PLCXD2: variants seen among roughly 807,000 people sequenced by gnomAD.
PLCXD2 encodes phosphatidylinositol specific phospholipase C X domain containing 2.
Under a neutral mutation model 28.6 loss-of-function variants are expected in PLCXD2, and 21 were observed. That is an observed-to-expected ratio of 0.73 (90% CI 0.52 to 1.06). The LOEUF (loss-of-function observed/expected upper bound fraction) is 1.06. PLCXD2 is among the 50% of genes least tolerant of loss of function. The pLI, the probability that PLCXD2 is intolerant of heterozygous loss-of-function variation, is 0.00. For synonymous variants in PLCXD2, 140 were observed against 150.1 expected (o/e 0.93, Z 0.49); for missense variants, 369 against 376.7 (o/e 0.98, Z 0.17).
intron 3 of PLCXD2, among the ~76,000 whole-genome samples, chr3:111,717,413 GCCTTTTGCACAGATCCCTTGT>G (rs1300144968): frequency 6.6e-6 from 1 of 152,158 alleles, no homozygotes; most frequent in Non-Finnish European, 1.5e-5. Flanking sequence ...GTCAGGTTCA[GCCTTTTGCACAGATCCCTTGT>G]CCTGGTAAAT....
intron 2 of PLCXD2, among the ~76,000 whole-genome samples, chr3:111,709,523 A>G (rs1941171484): frequency 6.6e-6 from 1 of 152,134 alleles, no homozygotes; most frequent in Admixed American, 6.5e-5. Flanking sequence ...GATAAGAGCT[A>G]TGGAAAACGA....
intron 1 of PLCXD2, among the ~76,000 whole-genome samples, chr3:111,699,924 AC>A (rs1259834607): frequency 6.6e-6 from 1 of 152,214 alleles, no homozygotes; most frequent in African/African-American, 2.4e-5. Context: ...TGGGAAAGGC[AC>A]TTCACCAGAT....
chr3:111,709,462 G>GTA (rs913395136), intron 2 of PLCXD2, among the ~76,000 whole-genome samples: 2 of 120,448 alleles, frequency 1.7e-5, no homozygotes, highest in African/African-American at 8.9e-5. Context: ...ATATGTGTGT[G>GTA]TATATACACA....
chr3:111,688,975 C>T (rs1286344455), intron 1 of PLCXD2, among the ~76,000 whole-genome samples: 1 of 151,858 alleles, frequency 6.6e-6, no homozygotes, highest in African/African-American at 2.4e-5. Flanking sequence ...TACTGTGGGA[C>T]ATTTTTAAAA....
intron 1 of PLCXD2, among the ~76,000 whole-genome samples, chr3:111,700,824 C>T (rs1464140038): frequency 6.6e-6 from 1 of 151,856 alleles, no homozygotes; most frequent in Non-Finnish European, 1.5e-5. Flanking sequence ...GCTGTGGGCT[C>T]TCAGACTGTG....
intron 1 of PLCXD2, among the ~76,000 whole-genome samples, chr3:111,698,805 C>G (rs1351544655): frequency 6.6e-6 from 1 of 152,150 alleles, no homozygotes; most frequent in Non-Finnish European, 1.5e-5. Flanking sequence ...CTGTCTCAGC[C>G]TTTTGTTCAT....
chr3:111,677,150 G>T (rs1372268777), intron 1 of PLCXD2: 1 of 150,240 alleles, frequency 6.7e-6, no homozygotes, highest in African/African-American at 2.4e-5. Context: ...TAAGGAAAAA[G>T]AAAAAAAAAT....
chr3:111,698,169 A>T (rs988728018), intron 1 of PLCXD2, among the ~76,000 whole-genome samples: 2 of 152,230 alleles, frequency 1.3e-5, no homozygotes, highest in African/African-American at 2.4e-5. Context: ...AATTAATAAT[A>T]ATAACATGTT....
intron 1 of PLCXD2, among the ~76,000 whole-genome samples, chr3:111,675,987 G>A (rs1201756094): frequency 6.6e-6 from 1 of 152,200 alleles, no homozygotes; most frequent in Non-Finnish European, 1.5e-5. Context: ...ATGAGGTGGT[G>A]GTGTTTGAAG....
chr3:111,698,129 C>T (rs775612861), intron 1 of PLCXD2, among the ~76,000 whole-genome samples: 11 of 152,092 alleles, frequency 7.2e-5, no homozygotes, highest in Non-Finnish European at 1.5e-4. Context: ...ATAGTATCAT[C>T]CAAATAAAAG....
intron 1 of PLCXD2, among the ~76,000 whole-genome samples, chr3:111,677,699 T>C (rs1576451273): frequency 6.6e-6 from 1 of 152,206 alleles, no homozygotes; most frequent in African/African-American, 2.4e-5. Context: ...CCAGGCACTG[T>C]CTCTGTGCCC....
intron 3 of PLCXD2, among the ~76,000 whole-genome samples, chr3:111,717,807 CT>C (rs1576464988): frequency 6.6e-6 from 1 of 152,260 alleles, no homozygotes; most frequent in East Asian, 1.9e-4. Flanking sequence ...CTACTGTGTC[CT>C]TGGTGTGGTT....
chr3:111,685,582 A>C (rs763323121), intron 1 of PLCXD2, among the ~76,000 whole-genome samples: 15 of 152,154 alleles, frequency 9.9e-5, no homozygotes, highest in Non-Finnish European at 2.1e-4. Context: ...TCCTACCCTA[A>C]ACATTTTTCT....
At chr3:111,699,456 T>C (rs1479188074) in intron 1 of PLCXD2, among the ~76,000 whole-genome samples, 1 of 152,212 alleles carries the variant, frequency 6.6e-6, no homozygotes, top group African/African-American at 2.4e-5. Context: ...AATGCACTCA[T>C]TTGAGATCTC....
chr3:111,692,543 G>C (rs3817260), intron 1 of PLCXD2: 139,549 of 152,294 alleles, frequency 0.92, 64,182 homozygotes, highest in Non-Finnish European at 0.96. Flanking sequence ...ACACCTGGCA[G>C]TAAGGGTCCA....
At chr3:111,685,107 T>TGGGACACA (rs1402508711) in intron 1 of PLCXD2, among the ~76,000 whole-genome samples, 1 of 152,074 alleles carries the variant, frequency 6.6e-6, no homozygotes, top group Non-Finnish European at 1.5e-5. Flanking sequence ...AGGGCACAGG[T>TGGGACACA]GGGACACAGT....
At chr3:111,701,294 T>G (rs532014613) in intron 1 of PLCXD2, among the ~76,000 whole-genome samples, 1 of 152,290 alleles carries the variant, frequency 6.6e-6, no homozygotes, top group Admixed American at 6.5e-5. Flanking sequence ...ATGAGGAAAC[T>G]GAGACATGGA....
Position 111,703,768 on chromosome 3 carries a change from C to T in PLCXD2, c.164-4158C>T, listed in dbSNP as rs115793249. 3.9e-3 allele frequency among the ~76,000 whole-genome samples: 600 copies of T among 152,266 alleles called. 2 individuals carry two copies. The highest frequency in any genetic ancestry group is 0.014 in the Middle Eastern group (4 of 294). On this transcript the variant is annotated intron_variant, in intron 1 of 4. Transcript: ENST00000477665. ...GGAAGCAGAGCAGTAGGCAGGTATC[C>T]AGGGAGCCTCGTTAACAGAGATAAC...
At chr3:111,705,359 T>G (rs1358899878) in intron 1 of PLCXD2, among the ~76,000 whole-genome samples, 1 of 152,232 alleles carries the variant, frequency 6.6e-6, no homozygotes, top group Non-Finnish European at 1.5e-5. Flanking sequence ...TTTTTATGGA[T>G]GAATAGTATT....
Sources: gnomAD v4.1 joint callset for allele counts (sites outside exome capture counted in the v4.1 genomes callset) on GRCh38, gnomAD v4.1.1 for gene constraint, MANE v1.5 for transcripts, NCBI Gene and HGNC (gene_info 2026-07-23, HGNC 2026-07-21) for gene names.